Variants in PRUNE2 observed in about 807,000 individuals in gnomAD.
PRUNE2 encodes prune homolog 2 with BCH domain.
A neutral mutation model predicts 252.0 loss-of-function variants in PRUNE2; 164 were observed. The ratio of observed to expected loss-of-function variants is 0.65; its 90% CI spans 0.57 to 0.74. The LOEUF is 0.74. Among genes scored for constraint, PRUNE2 ranks in the 30% least tolerant of loss-of-function variants. The pLI is 0.00. For synonymous variants in PRUNE2, 1,292 were observed against 1,350.2 expected (o/e 0.96, Z 0.94); for missense variants, 3,495 against 3,711.0 (o/e 0.94, Z 1.51).
At chr9:76,664,570 G>A (rs750754441) in intron 9 of PRUNE2, among the ~76,000 whole-genome samples, 1 of 152,136 alleles carries the variant, frequency 6.6e-6, no homozygotes, top group Non-Finnish European at 1.5e-5. Context: ...GCCCAGGCTG[G>A]AGCGCAATGG....
At chr9:76,782,110 A>G (rs2054479451) in intron 6 of PRUNE2, among the ~76,000 whole-genome samples, 1 of 152,142 alleles carries the variant, frequency 6.6e-6, no homozygotes, top group Non-Finnish European at 1.5e-5. Context: ...GCTACTGGGG[A>G]GGCTGAGGCA....
chr9:76,855,318 CCCA>C (rs1355878723), intron 1 of PRUNE2, among the ~76,000 whole-genome samples: 1 of 151,782 alleles, frequency 6.6e-6, no homozygotes, highest in Non-Finnish European at 1.5e-5. Context: ...ACATACTTTC[CCCA>C]CTTTTCATCA....
In PRUNE2 at chr9:76,709,702, T is replaced by C; in HGVS notation, c.2572A>G (p.Asn858Asp). ...CCCCAGATTTCTGGAGCTGCTTCAT[T>C]GTTTATCTCACTGGGTGAATTGTCC... ...LLDNSPSEINNEAAPEIWGKK... is the reference protein window; with the variant it reads ...LLDNSPSEINDEAAPEIWGKK... Residue 858 changes from asparagine (N) to aspartate (D), a missense_variant, in exon 8 of 19, where the codon AAT (asparagine) becomes GAT (aspartate). Coordinates refer to ENST00000376718, the MANE Select transcript of PRUNE2 (RefSeq NM_015225.3). 1 of 1,613,978 alleles carries C rather than the reference T, an allele frequency of 6.2e-7. No individual in the cohort carries two copies. The highest frequency in any genetic ancestry group is 8.5e-7 in the Non-Finnish European group (1 of 1,179,876).
At chr9:76,699,027 T>TTCCATCC in intron 9 of PRUNE2, among the ~76,000 whole-genome samples, 1 of 139,648 alleles carries the variant, frequency 7.2e-6, no homozygotes. Flanking sequence ...TCTCTTCTCC[T>TTCCATCC]TCCCCACCCC....
intron 9 of PRUNE2, among the ~76,000 whole-genome samples, chr9:76,665,272 C>T (rs1293251448): frequency 6.6e-6 from 1 of 152,192 alleles, no homozygotes; most frequent in African/African-American, 2.4e-5. Context: ...CCCACTTAGC[C>T]TTGCCAATCT....
rs772942401 is a variant in PRUNE2 at position 76,710,252 on chromosome 9, A to C, written c.2022T>G (p.Ser674Arg). ...SKNIADAWSSSEQESVFQSPE... is the reference protein window; with the variant it reads ...SKNIADAWSSREQESVFQSPE... ...GGCTCTGGAAAACAGATTCCTGTTC[A>C]CTGGAACTCCACGCATCTGCAATAT... The change falls in exon 8 of 19, where the codon AGT becomes AGG. Residue 674 changes from serine (S) to arginine (R), a missense_variant. Transcript: ENST00000376718. The C allele has an allele frequency of 5.6e-6, 9 of 1,613,818 alleles. No individual in the cohort carries two copies. Among genetic ancestry groups the C allele is most frequent in the Non-Finnish European group, 7.6e-6 (9 of 1,179,898 alleles).
At chr9:76,813,449 A>T (rs928266747) in intron 6 of PRUNE2, among the ~76,000 whole-genome samples, 17 of 152,214 alleles carry the variant, frequency 1.1e-4, no homozygotes, top group African/African-American at 4.1e-4. Flanking sequence ...TAAAGATAAA[A>T]CATAAAAGTG....
At chr9:76,722,204 G>A (rs887893198) in intron 6 of PRUNE2, among the ~76,000 whole-genome samples, 6 of 150,872 alleles carry the variant, frequency 4.0e-5, no homozygotes, top group East Asian at 1.9e-4. Context: ...GATTACAGGC[G>A]TGTGCCACCA....
chr9:76,677,179 C>T (rs1236206156), intron 9 of PRUNE2, among the ~76,000 whole-genome samples: 1 of 152,164 alleles, frequency 6.6e-6, no homozygotes, highest in Non-Finnish European at 1.5e-5. Context: ...AATAGTTTCT[C>T]TTTTGCAATG....
At chr9:76,635,307 T>G (rs932669541) in intron 15 of PRUNE2, among the ~76,000 whole-genome samples, 1 of 152,170 alleles carries the variant, frequency 6.6e-6, no homozygotes, top group African/African-American at 2.4e-5. Flanking sequence ...TAACACAGTA[T>G]GGTAAACAGC....
rs1685862644 is a variant in PRUNE2, at chr9:76,664,250, G to T, written c.8277-8748C>A. On this transcript the variant is annotated intron_variant, in intron 9 of 18. Coordinates refer to ENST00000376718, the MANE Select transcript of PRUNE2 (RefSeq NM_015225.3). ...GAGAAACCAGCTACCCTGTTGTAAG[G>T]ACAGTCAAGCAGCCCTGTGGAGAGT... 1.3e-5 allele frequency among the ~76,000 whole-genome samples: 2 copies of T among 152,168 alleles called. 1 individual carries two copies. The highest frequency in any genetic ancestry group is 4.1e-4 in the South Asian group (2 of 4,828).
chr9:76,813,746 G>A (rs1320892700), intron 6 of PRUNE2, among the ~76,000 whole-genome samples: 7 of 152,038 alleles, frequency 4.6e-5, no homozygotes, highest in Non-Finnish European at 4.4e-5. Context: ...TTGGTCTTAC[G>A]AAATTTACAA....
chr9:76,716,184 A>G (rs17787036), intron 6 of PRUNE2, among the ~76,000 whole-genome samples: 2,731 of 152,248 alleles, frequency 0.018, 44 homozygotes, highest in East Asian at 0.085. Flanking sequence ...ACACTTGTGG[A>G]AAGTTTCCTA....
At chr9:76,629,024 A>C (rs189253295) in intron 16 of PRUNE2, among the ~76,000 whole-genome samples, 168 bp downstream of exon 16, 4 of 152,206 alleles carry the variant, frequency 2.6e-5, no homozygotes, top group Admixed American at 2.6e-4. Flanking sequence ...TTATATATTT[A>C]GTAGGAATGG....
intron 9 of PRUNE2, among the ~76,000 whole-genome samples, chr9:76,666,145 G>A (rs1465989018): frequency 6.6e-6 from 1 of 152,186 alleles, no homozygotes; most frequent in Admixed American, 6.5e-5. Context: ...GGCCACCAGA[G>A]GGCTCCTTGG....
At chr9:76,855,266 T>A (rs2060193685) in intron 1 of PRUNE2, among the ~76,000 whole-genome samples, 2 of 151,976 alleles carry the variant, frequency 1.3e-5, no homozygotes, top group South Asian at 4.1e-4. Context: ...ATAATTGTCA[T>A]ATAAATTAAC....
At chr9:76,903,006 T>C (rs907172604) in intron 1 of PRUNE2, among the ~76,000 whole-genome samples, 15 of 152,248 alleles carry the variant, frequency 9.9e-5, no homozygotes, top group Admixed American at 3.9e-4. Flanking sequence ...TCCTAACTTA[T>C]TGGAAATCAG....
chr9:76,780,422 T>G (rs1479745354), intron 6 of PRUNE2, among the ~76,000 whole-genome samples: 2 of 152,124 alleles, frequency 1.3e-5, no homozygotes, highest in Non-Finnish European at 2.9e-5. Flanking sequence ...GCACGATGGC[T>G]CACGCCTGTA....
intron 6 of PRUNE2, among the ~76,000 whole-genome samples, chr9:76,744,491 C>A (rs1284974380): frequency 6.6e-6 from 1 of 152,174 alleles, no homozygotes; most frequent in African/African-American, 2.4e-5. Context: ...CTCTCCACAG[C>A]TGCCTCCTAC....
Sources: allele counts gnomAD v4.1 joint callset (sites outside exome capture counted in the v4.1 genomes callset), GRCh38; gene constraint gnomAD v4.1.1; transcripts MANE v1.5; gene names NCBI Gene and HGNC (gene_info 2026-07-23, HGNC 2026-07-21).